NDUFB9: variants seen among roughly 807,000 people sequenced by gnomAD.
NDUFB9 encodes the protein NADH:ubiquinone oxidoreductase subunit B9.
In NDUFB9, 24 loss-of-function variants were observed where a neutral mutation model predicts 30.2. That is an observed-to-expected ratio of 0.80 (90% CI 0.58 to 1.12). The LOEUF (loss-of-function observed/expected upper bound fraction) is 1.12, where lower values mean the gene tolerates loss of function less well. Among genes scored for constraint, NDUFB9 ranks in the 50% most tolerant of loss-of-function variants. The probability of loss-of-function intolerance (pLI) is 0.00; values close to 1 mark genes in which losing one functional copy is unlikely to be tolerated. For synonymous variants in NDUFB9, 80 were observed against 84.0 expected (o/e 0.95, Z 0.26); for missense variants, 204 against 226.0 (o/e 0.90, Z 0.62).
rs138066988 is a variant in NDUFB9, at chr8:124,543,146, A to T, written c.161A>T (p.Glu54Val). The change falls in exon 2 of 4, where the codon GAA (glutamate) becomes GTA (valine). Residue 54 changes from glutamate to valine, a missense_variant. Physicochemically the swap from Glu to Val is moderately radical, Grantham distance 121. Coordinates refer to ENST00000276689, the MANE Select transcript of NDUFB9 (RefSeq NM_005005.3). ...GCCCGGTTTGAAGAACATAAGAATG[A>T]AAAGGATATGGCGAAGGCCACCCAG... ...MRARFEEHKN[E>V]KDMAKATQLL... 1.9e-4 allele frequency: 302 copies of T among 1,614,256 alleles called. No individual in the cohort carries two copies. The highest frequency in any genetic ancestry group is 2.5e-4 in the Non-Finnish European group (297 of 1,180,050).
chr8:124,545,365 G>T (rs949009769), intron 2 of NDUFB9, among the ~76,000 whole-genome samples: 1 of 152,036 alleles, frequency 6.6e-6, no homozygotes, highest in Non-Finnish European at 1.5e-5. Context: ...AGTTGATGTC[G>T]CAAACCTCGT....
chr8:124,547,349 C>G, intron 3 of NDUFB9: 1 of 620,958 alleles, frequency 1.6e-6, no homozygotes, highest in African/African-American at 1.8e-5. Flanking sequence ...ATCTCCTTCT[C>G]TTTAGTCCTT....
intron 1 of NDUFB9, among the ~76,000 whole-genome samples, chr8:124,540,192 A>C (rs1193889266): frequency 6.6e-6 from 1 of 152,228 alleles, no homozygotes; most frequent in African/African-American, 2.4e-5. Flanking sequence ...AATCACTGAC[A>C]TACTTCTCTT....
chr8:124,544,530 A>G (rs1046128764), intron 2 of NDUFB9, among the ~76,000 whole-genome samples: 5 of 152,202 alleles, frequency 3.3e-5, no homozygotes, highest in African/African-American at 1.2e-4. Flanking sequence ...CTTGTTAGGG[A>G]CTAATGCAGT....
chr8:124,548,183 T>C (rs1486081255), intron 3 of NDUFB9, among the ~76,000 whole-genome samples: 2 of 152,058 alleles, frequency 1.3e-5, no homozygotes, highest in Non-Finnish European at 2.9e-5. Context: ...ACTTCAGATG[T>C]GGAAATCTGG....
intron 3 of NDUFB9, among the ~76,000 whole-genome samples, chr8:124,549,052 G>A (rs184160211): frequency 3.3e-4 from 50 of 152,330 alleles, no homozygotes; most frequent in East Asian, 7.7e-4. Context: ...ATGGTGAGCC[G>A]CAGGTGCATT....
intron 2 of NDUFB9, among the ~76,000 whole-genome samples, chr8:124,546,463 A>G (rs1321191198): frequency 6.6e-6 from 1 of 152,172 alleles, no homozygotes; most frequent in African/African-American, 2.4e-5. Context: ...CTTTATTGTG[A>G]TATTTGCTAT....
At chr8:124,543,355 TC>T in intron 2 of NDUFB9, 76 bp downstream of exon 2, 1 of 1,478,626 alleles carries the variant, frequency 6.8e-7, no homozygotes, top group Non-Finnish European at 9.4e-7. Context: ...GCCTCAGAAA[TC>T]ACTTGCCCTT....
chr8:124,539,237 G>C lies in NDUFB9; in HGVS notation c.51G>C (p.Leu17Phe). 6.2e-7 allele frequency: 1 copy of C among 1,614,256 alleles called. No homozygotes were observed. The highest frequency in any genetic ancestry group is 8.5e-7 in the Non-Finnish European group (1 of 1,180,046). Reference protein sequence around the residue: ...GPYLTHQQKVLRLYKRALRHL... With the variant: ...GPYLTHQQKVFRLYKRALRHL... ...ACCTGACCCATCAGCAAAAGGTGTTGCGGCTTTATAAGCGGGCGCTACGCC... is the reference window on the plus strand; with the variant it reads ...ACCTGACCCATCAGCAAAAGGTGTTCCGGCTTTATAAGCGGGCGCTACGCC... The change falls in exon 1 of 4, where the codon TTG becomes TTC. Residue 17 changes from leucine (L) to phenylalanine (F), a missense_variant. Coordinates refer to ENST00000276689, the MANE Select transcript of NDUFB9 (RefSeq NM_005005.3).
Position 124,539,123 on chromosome 8 carries a change from A to C in NDUFB9, c.-64A>C. ...TCCGCCCTTCCGGCTGGCCCCGCTC[A>C]GTCACCCGCAGCAGGCGTGCAGTTT... On this transcript the variant is annotated 5_prime_UTR_variant, in exon 1 of 4. Transcript: ENST00000276689. 1.2e-6 allele frequency: 2 copies of C among 1,612,604 alleles called. No homozygotes were observed. Among genetic ancestry groups the C allele is most frequent in the South Asian group, 1.1e-5 (1 of 91,048 alleles).
At chr8:124,539,504 G>C in intron 1 of NDUFB9, 1 of 568,608 alleles carries the variant, frequency 1.8e-6, no homozygotes, top group Non-Finnish European at 3.1e-6. Flanking sequence ...CTGGGCGTCA[G>C]CTTTTTGTTT....
intron 3 of NDUFB9, among the ~76,000 whole-genome samples, chr8:124,548,229 G>A (rs1022391438): frequency 3.9e-5 from 6 of 152,162 alleles, no homozygotes; most frequent in South Asian, 2.1e-4. Context: ...AAACAGAAAC[G>A]TGGGAGTTTT....
rs1821797309 is a variant in NDUFB9 at position 124,539,163 on chromosome 8, CGGCCGGGGAA to C, written c.-21_-12del. ...GCGTGCAGTTTCCCGGCTCTCCGCGCGGCCGGGGAAGGTCAGCGCCGTAATGGCGTTCTTG... is the reference window on the plus strand; with the variant it reads ...GCGTGCAGTTTCCCGGCTCTCCGCGCGGTCAGCGCCGTAATGGCGTTCTTG... On this transcript the variant is annotated 5_prime_UTR_variant, in exon 1 of 4. Transcript: ENST00000276689. 6.2e-7 allele frequency: 1 copy of C among 1,613,354 alleles called. No individual in the cohort carries two copies. The highest frequency in any genetic ancestry group is 8.5e-7 in the Non-Finnish European group (1 of 1,179,254).
At chr8:124,548,471 A>C (rs1822221946) in intron 3 of NDUFB9, among the ~76,000 whole-genome samples, 1 of 152,188 alleles carries the variant, frequency 6.6e-6, no homozygotes, top group East Asian at 1.9e-4. Context: ...AATGTGGACA[A>C]GATGTGATAG....
At chr8:124,544,132 A>G (rs1427894998) in intron 2 of NDUFB9, among the ~76,000 whole-genome samples, 1 of 152,262 alleles carries the variant, frequency 6.6e-6, no homozygotes, top group African/African-American at 2.4e-5. Context: ...TGGTTGGGAC[A>G]AAAGATCAAA....
At chr8:124,546,884 G>A in intron 2 of NDUFB9, 116 bp from the exon 3 acceptor site, 4 of 796,862 alleles carry the variant, frequency 5.0e-6, no homozygotes, top group Non-Finnish European at 9.0e-6. Flanking sequence ...CAGTCTGGTA[G>A]TTGCAGTGGT....
chr8:124,547,564 G>T, intron 3 of NDUFB9: 1 of 371,872 alleles, frequency 2.7e-6, no homozygotes, highest in Non-Finnish European at 4.9e-6. Context: ...TCAAAAGGTT[G>T]TCATGACTAA....
Position 124,549,839 on chromosome 8 carries a change from T to C in NDUFB9, c.487T>C (p.Leu163=), listed in dbSNP as rs755399714. ...GCCCCCTGCCCGAAAGGAAGGTGAT[T>C]TGCCCCCACTGTGGTGGTATATTGT... ...ALPPARKEGD[L]PPLWWYIVTR... The change falls in exon 4 of 4, where the codon TTG becomes CTG. Residue 163 remains leucine (L), a synonymous_variant. Coordinates refer to ENST00000276689, the MANE Select transcript of NDUFB9 (RefSeq NM_005005.3). The C allele has an allele frequency of 1.2e-6, 2 of 1,614,210 alleles. No homozygotes were observed. The highest frequency in any genetic ancestry group is 2.2e-5 in the South Asian group (2 of 91,086).
In NDUFB9 at chr8:124,549,784, G is replaced by A. The variant is rs773497765; in HGVS notation, c.432G>A (p.Thr144=). 7.4e-5 allele frequency: 119 copies of A among 1,614,132 alleles called. No homozygotes were observed. The highest frequency in any genetic ancestry group is 3.1e-4 in the East Asian group (14 of 44,882). ...EREVKQLQEE[T]PPGGPLTEAL... ...AGGTTAAGCAGCTGCAGGAGGAAAC[G>A]CCACCTGGTGGTCCTTTAACTGAAG... The change falls in exon 4 of 4, where the codon ACG becomes ACA. Residue 144 remains threonine (T), a synonymous_variant. Coordinates refer to ENST00000276689, the MANE Select transcript of NDUFB9 (RefSeq NM_005005.3).
Sources: allele counts gnomAD v4.1 joint callset (sites outside exome capture counted in the v4.1 genomes callset), GRCh38; gene constraint gnomAD v4.1.1; transcripts MANE v1.5; gene names NCBI Gene and HGNC (gene_info 2026-07-23, HGNC 2026-07-21).